FGF14: variants seen among roughly 807,000 people sequenced by gnomAD.
The protein encoded by FGF14 is fibroblast growth factor 14.
FGF14 carries 5 observed loss-of-function variants against 25.5 expected under a neutral mutation model. The observed-to-expected ratio is 0.20, with a 90% CI of 0.10 to 0.41. The LOEUF is 0.41. FGF14 is among the 10% of genes least tolerant of loss of function. FGF14 has a pLI of 1.00. For synonymous variants in FGF14, 138 were observed against 118.3 expected, an observed-to-expected ratio of 1.17 and a Z score of -1.08; for missense variants, 222 against 320.1, an observed-to-expected ratio of 0.69 and a Z score of 2.34.
At position 102,168,252 on chromosome 13, in the gene FGF14, G is replaced by A. The variant is rs573474798; in HGVS notation, c.208+233219C>T. On this transcript the variant is annotated intron_variant, in intron 1 of 4. Coordinates refer to the FGF14 transcript ENST00000376131. Reference sequence around the variant, plus strand: ...TGAAGAAAAAGGTGCGTATGATGGGGAGGGCAGGCAAAGACGTCAGATCCT... The same window carrying A: ...TGAAGAAAAAGGTGCGTATGATGGGAAGGGCAGGCAAAGACGTCAGATCCT... Among the ~76,000 whole-genome samples, 5 of 152,226 alleles carry A rather than the reference G, an allele frequency of 3.3e-5. No individual in the cohort carries two copies. The East Asian group carries it at 7.7e-4, about 24-fold the overall frequency.
At chr13:102,176,200 A>T (rs2140714995) in intron 1 of FGF14, among the ~76,000 whole-genome samples, 1 of 152,252 alleles carries the variant, frequency 6.6e-6, no homozygotes, top group South Asian at 2.1e-4. Context: ...GGGTAAAGAA[A>T]ATGTGGTATT....
intron 1 of FGF14, among the ~76,000 whole-genome samples, chr13:102,174,355 C>G (rs549366285): frequency 2.3e-4 from 35 of 150,244 alleles, no homozygotes; most frequent in African/African-American, 8.6e-4. Context: ...TTAGTACAGA[C>G]AAGGTTTCAC....
At chr13:101,862,069 T>G (rs865941981) in intron 3 of FGF14, among the ~76,000 whole-genome samples, 3 of 152,020 alleles carry the variant, frequency 2.0e-5, no homozygotes, top group Non-Finnish European at 1.5e-5. Flanking sequence ...GATAAGGTAA[T>G]TTTGGTATGG....
intron 1 of FGF14, among the ~76,000 whole-genome samples, chr13:102,118,742 C>A (rs138922379): frequency 6.6e-6 from 1 of 151,828 alleles, no homozygotes; most frequent in Non-Finnish European, 1.5e-5. Flanking sequence ...TAAATACATA[C>A]AATTTTATGT....
At chr13:101,931,165 T>C (rs1484287150) in intron 1 of FGF14, among the ~76,000 whole-genome samples, 1 of 152,204 alleles carries the variant, frequency 6.6e-6, no homozygotes, top group Non-Finnish European at 1.5e-5. Context: ...CTCACTGACG[T>C]TGACCCACCC....
intron 3 of FGF14, among the ~76,000 whole-genome samples, chr13:101,739,475 C>G (rs187960494): frequency 6.6e-6 from 1 of 152,182 alleles, no homozygotes; most frequent in East Asian, 1.9e-4. Context: ...ATAGATAAAT[C>G]TGGCCTAGCT....
At chr13:102,106,506 C>T (rs774101467) in intron 1 of FGF14, among the ~76,000 whole-genome samples, 22 of 138,242 alleles carry the variant, frequency 1.6e-4, no homozygotes, top group Admixed American at 1.5e-3. Context: ...CCCAGGGAGG[C>T]GGAGGTTGCA....
At chr13:101,789,163 C>A (rs1292378263) in intron 3 of FGF14, among the ~76,000 whole-genome samples, 1 of 151,704 alleles carries the variant, frequency 6.6e-6, no homozygotes, top group Non-Finnish European at 1.5e-5. Context: ...TGTGTAAGAA[C>A]TTTTCCATTC....
intron 1 of FGF14, among the ~76,000 whole-genome samples, chr13:102,057,603 T>C (rs1225571901): frequency 6.6e-6 from 1 of 152,156 alleles, no homozygotes; most frequent in African/African-American, 2.4e-5. Context: ...ATTTGAAACA[T>C]AGGGAGCATG....
chr13:101,729,561 C>T (rs1006695166), intron 3 of FGF14, among the ~76,000 whole-genome samples: 1 of 152,118 alleles, frequency 6.6e-6, no homozygotes, highest in Non-Finnish European at 1.5e-5. Flanking sequence ...GCTTCAGTTT[C>T]CTCATCTCTA....
intron 1 of FGF14, among the ~76,000 whole-genome samples, chr13:102,029,952 T>C (rs568320102): frequency 1.3e-5 from 2 of 152,072 alleles, no homozygotes; most frequent in African/African-American, 4.8e-5. Flanking sequence ...GTTCTTGTCT[T>C]CATAGAGTTT....
chr13:102,170,160 A>C, intron 1 of FGF14, among the ~76,000 whole-genome samples: 1 of 152,050 alleles, frequency 6.6e-6, no homozygotes, highest in East Asian at 1.9e-4. Flanking sequence ...TGGGGCATAC[A>C]GGAAAACTCT....
chr13:101,897,178 C>T (rs1262568900), intron 1 of FGF14, among the ~76,000 whole-genome samples: 2 of 152,134 alleles, frequency 1.3e-5, no homozygotes, highest in African/African-American at 4.8e-5. Context: ...CTGGGTTTGC[C>T]CCGCTCACCA....
chr13:101,788,186 C>T (rs2039965354), intron 3 of FGF14, among the ~76,000 whole-genome samples: 1 of 152,080 alleles, frequency 6.6e-6, no homozygotes, highest in South Asian at 2.1e-4. Context: ...CCCCCTCCTC[C>T]ACTTTTTTTT....
intron 1 of FGF14, among the ~76,000 whole-genome samples, chr13:102,389,301 A>G (rs1041139206): frequency 3.3e-5 from 5 of 152,228 alleles, no homozygotes; most frequent in African/African-American, 1.2e-4. Context: ...ATAAATGCAG[A>G]TAAGTTTATC....
rs190900294 is a variant in FGF14, at chr13:102,266,859, A to G, written c.208+134612T>C. ...ACAAGCTTGAAAAGCAAATTACACA[A>G]AAGTAAAGGAATAAACATATAAACT... On this transcript the variant is annotated intron_variant, in intron 1 of 4. Transcript: ENST00000376131. Among the ~76,000 whole-genome samples, 106 of 152,202 alleles carry G rather than the reference A, an allele frequency of 7.0e-4. No homozygotes were observed. The East Asian group carries it at 0.017, about 25-fold the overall frequency.
intron 1 of FGF14, among the ~76,000 whole-genome samples, chr13:101,994,592 T>C (rs2039082512): frequency 6.6e-6 from 1 of 152,052 alleles, no homozygotes; most frequent in Admixed American, 6.6e-5. Context: ...ACCAGTCAGG[T>C]AAACCCATAA....
chr13:102,367,560 A>AT (rs1429648925), intron 1 of FGF14: 2 of 151,774 alleles, frequency 1.3e-5, no homozygotes. Context: ...AGAGGCAAGG[A>AT]TGACAGGAGC....
Position 102,213,797 on chromosome 13 carries a change from G to A in FGF14, c.208+187674C>T, listed in dbSNP as rs547252861. The stretch of plus-strand genomic sequence containing the variant: ...AAAACACTATATACCCTCCCTATAT[G>A]TCCCAGCCATCAGTTACCAGCCTCT... On this transcript the variant is annotated intron_variant, in intron 1 of 4. Coordinates refer to the FGF14 transcript ENST00000376131. Among the ~76,000 whole-genome samples, 4 of 152,202 alleles carry A rather than the reference G, an allele frequency of 2.6e-5. No homozygotes were observed. In the East Asian group the frequency reaches 5.8e-4, roughly 22 times the overall value.
Sources: gnomAD v4.1 joint callset for allele counts (sites outside exome capture counted in the v4.1 genomes callset) on GRCh38, gnomAD v4.1.1 for gene constraint, MANE v1.5 for transcripts, NCBI Gene and HGNC (gene_info 2026-07-23, HGNC 2026-07-21) for gene names.